NOTCH3: variants seen among roughly 807,000 people sequenced by gnomAD.
NOTCH3 encodes the protein notch receptor 3.
A neutral mutation model predicts 213.3 loss-of-function variants in NOTCH3; 86 were observed. The observed-to-expected ratio is 0.40, with a 90% confidence interval of 0.34 to 0.48. NOTCH3 has a LOEUF of 0.48. Ranked by LOEUF, NOTCH3 falls within the 20% of genes least tolerant of loss-of-function variation. The pLI is 0.57. For synonymous variants in NOTCH3, 1,354 were observed against 1,355.9 expected, an observed-to-expected ratio of 1.00 and a Z score of 0.03; for missense variants, 2,783 against 3,272.6, an observed-to-expected ratio of 0.85 and a Z score of 3.65.
rs368144892 is a variant in NOTCH3, at chr19:15,170,075, G to T, written c.5199+11C>A. On this transcript the variant is annotated intron_variant, in intron 28 of 32. Coordinates refer to ENST00000263388, the MANE Select transcript of NOTCH3 (RefSeq NM_000435.3). ...CAGAGGAGGGGGCAAAGGTCAGAGG[G>T]GGGGCAGTACCTTTAGCCGCTTGGC... 16 of 1,541,408 alleles carry T rather than the reference G, an allele frequency of 1.0e-5. No homozygotes were observed. In the East Asian group the frequency reaches 2.3e-4, roughly 22 times the overall value.
intron 31 of NOTCH3, among the ~76,000 whole-genome samples, chr19:15,162,944 C>T (rs1456228674): frequency 2.6e-5 from 4 of 152,134 alleles, no homozygotes; most frequent in African/African-American, 9.7e-5. Context: ...TGTTCTGTCA[C>T]CCAGGCTGGA....
chr19:15,187,789 C>A lies in NOTCH3; in HGVS notation c.1606+92G>T, dbSNP rs530847080. 3 of 1,050,324 alleles carry A rather than the reference C, an allele frequency of 2.9e-6. No homozygotes were observed. The East Asian group carries it at 7.7e-5, about 27-fold the overall frequency. The allele number at this position is 1,050,324 out of a possible 1,614,324, so 65.1% of individuals were successfully genotyped here. A position where few individuals can be genotyped will look rare whatever the true frequency, so the allele number is the denominator to read the frequency against. On this transcript the variant is annotated intron_variant, in intron 10 of 32. Coordinates refer to ENST00000263388, the MANE Select transcript of NOTCH3 (RefSeq NM_000435.3). ...ACTGGGTCCTGCCTTGCTACAACCC[C>A]GCCCCCAAGCTCTCCCCAAGTCTGT... is the stretch of plus-strand genomic sequence containing the variant.
chr19:15,184,843 T>C, intron 15 of NOTCH3, 63 bp downstream of exon 15: 1 of 958,736 alleles, frequency 1.0e-6, no homozygotes, highest in South Asian at 1.4e-5. Flanking sequence ...CCCAGCATCA[T>C]CCCTGATAGG....
rs2145430065 is a variant in NOTCH3 at position 15,185,525 on chromosome 19, C to T, written c.2106G>A (p.Glu702=). The change falls in exon 13 of 33, where the codon GAG becomes GAA. Residue 702 remains glutamate (E), a synonymous_variant. Transcript: ENST00000263388. This position sits in a 1 kb window ranked among gnomAD's most constrained non-coding sequence, Gnocchi z 4.2. ...CATAGCAGATGCCGTGACTGCAGGG[C>T]TCATGGGCACAGGGATGGCTCGGGG... ...CLPPSHPCAH[E]PCSHGICYDA... 2 of 1,613,124 alleles carry T rather than the reference C, an allele frequency of 1.2e-6. No homozygotes were observed. The highest frequency in any genetic ancestry group is 1.7e-6 in the Non-Finnish European group (2 of 1,179,792).
chr19:15,181,755 A>G lies in NOTCH3; in HGVS notation c.2613T>C (p.Phe871=). ...GGSCQDGVGS[F]SCSCLPGFAG... ...CGAAACCAGGGAGGCAGGAGCAGGA[A>G]AAGGAGCCCACGCCGTCTTGGCACG... Residue 871 remains phenylalanine (F), a synonymous_variant, in exon 17 of 33, where the codon TTT becomes TTC. Transcript: ENST00000263388. 5 of 1,572,876 alleles carry G rather than the reference A, an allele frequency of 3.2e-6. No homozygotes were observed. Among genetic ancestry groups the G allele is most frequent in the Middle Eastern group, 1.7e-4 (1 of 6,022 alleles).
Position 15,181,604 on chromosome 19 carries a change from C to G in NOTCH3, c.2764G>C (p.Glu922Gln), listed in dbSNP as rs1379963173. ...CPPGYGGFHC[E>Q]QDLPDCSPSS... ...GGGCTGCAGTCGGGCAGGTCCTGTT[C>G]GCAGTGGAAGCCTCCGTAGCCTGGC... Residue 922 changes from glutamate (E) to glutamine (Q), a missense_variant, in exon 17 of 33, where the codon GAA (glutamate) becomes CAA (glutamine). Glu to Gln is a conservative substitution (Grantham distance 29). This residue lies in a region of NOTCH3 where 861 missense variants were observed against 909.1 expected (regional missense o/e 0.95). Coordinates refer to ENST00000263388, the MANE Select transcript of NOTCH3 (RefSeq NM_000435.3). 6.4e-7 allele frequency: 1 copy of G among 1,550,594 alleles called. No individual in the cohort carries two copies. Among genetic ancestry groups the G allele is most frequent in the Non-Finnish European group, 8.7e-7 (1 of 1,146,780 alleles).
rs184033385 is a variant in NOTCH3 at position 15,181,595 on chromosome 19, G to A, written c.2773C>T (p.Leu925=). ...GCCCACCTGGGGCTGCAGTCGGGCA[G>A]GTCCTGTTCGCAGTGGAAGCCTCCG... ...GYGGFHCEQD[L]PDCSPSSCFN... is the part of the protein sequence containing the mutation. Residue 925 remains leucine (L), a synonymous_variant, in exon 17 of 33, where the codon CTG becomes TTG. Transcript: ENST00000263388. 1.3e-6 allele frequency: 2 copies of A among 1,550,490 alleles called. No individual in the cohort carries two copies. Among genetic ancestry groups the A allele is most frequent in the South Asian group, 1.2e-5 (1 of 84,034 alleles).
intron 25 of NOTCH3, among the ~76,000 whole-genome samples, chr19:15,173,732 A>AG (rs1178557146): frequency 1.7e-4 from 5 of 29,230 alleles, no homozygotes; most frequent in African/African-American, 3.2e-4. Context: ...CTCAAAAAAA[A>AG]AAAAAAAAAG....
Position 15,165,459 on chromosome 19 carries a change from C to T in NOTCH3, c.5724G>A (p.Thr1908=), listed in dbSNP as rs776091505. ...CCAGGCGGGCCGCCAGGATCAGTGCCGTTGAGCCATCTGCCATGCGGGCAT... is the reference window on the plus strand; with the variant it reads ...CCAGGCGGGCCGCCAGGATCAGTGCTGTTGAGCCATCTGCCATGCGGGCAT... ...DLDARMADGS[T]ALILAARLAV... is the part of the protein sequence containing the mutation. The change falls in exon 31 of 33, where the codon ACG becomes ACA. Residue 1908 remains threonine, a synonymous_variant. Transcript: ENST00000263388. This position sits in a 1 kb window ranked among gnomAD's most constrained non-coding sequence, Gnocchi z 4.7. 1.9e-5 allele frequency: 31 copies of T among 1,612,832 alleles called. No homozygotes were observed. Among genetic ancestry groups the T allele is most frequent in the Middle Eastern group, 1.6e-4 (1 of 6,084 alleles).
In NOTCH3 at chr19:15,174,157, C is replaced by T. The variant is rs561981488; in HGVS notation, c.4647G>A (p.Ala1549=). The stretch of plus-strand genomic sequence containing the variant: ...AAGGGAAGACCATGGCCTGGCCGTG[C>T]GCGTCCAGGCGGAAGCGCAGCGAGG... ...LRTSLRFRLD[A]HGQAMVFPYH... The change falls in exon 25 of 33, where the codon GCG becomes GCA. Residue 1549 remains alanine (A), a synonymous_variant. Transcript: ENST00000263388. The T allele has an allele frequency of 9.9e-6, 16 of 1,609,276 alleles. No homozygotes were observed. In the African/African-American group the frequency reaches 1.5e-4, roughly 15 times the overall value.
chr19:15,186,729 T>C, intron 12 of NOTCH3, 149 bp downstream of exon 12: 1 of 735,130 alleles, frequency 1.4e-6, no homozygotes, highest in Non-Finnish European at 2.4e-6. Context: ...GAAACAACCT[T>C]ATGCCAATGA....
In NOTCH3 at chr19:15,170,170, C is replaced by G. The variant is rs2046719480; in HGVS notation, c.5115G>C (p.Lys1705Asn). 1.2e-6 allele frequency: 2 copies of G among 1,601,432 alleles called. No individual in the cohort carries two copies. The highest frequency in any genetic ancestry group is 1.7e-6 in the Non-Finnish European group (2 of 1,173,144). ...TCAGGCTCTCACCCTTGGCCATGTT[C>G]CTGGCGGACAATGGGAAGAGGGGAT... ...EPVGQDALGM[K>N]NMAKGESLMG... Residue 1705 changes from lysine (K) to asparagine (N), a missense_variant and splice_region_variant, in exon 28 of 33, where the codon AAG (lysine) becomes AAC (asparagine). Physicochemically the swap from Lys to Asn is moderately conservative, Grantham distance 94. Coordinates refer to ENST00000263388, the MANE Select transcript of NOTCH3 (RefSeq NM_000435.3).
chr19:15,173,054 C>CTCTTCT (rs1219069116), intron 25 of NOTCH3, among the ~76,000 whole-genome samples: 70 of 5,526 alleles, frequency 0.013, 2 homozygotes, highest in Non-Finnish European at 0.016. Flanking sequence ...TCCCTCCTCC[C>CTCTTCT]TCTTCTTCTT....
In NOTCH3 at chr19:15,177,930, C is replaced by T. The variant is rs1474224207; in HGVS notation, c.3998G>A (p.Gly1333Glu). ...SCRSFPGSPP[G>E]ASNASCAAAP... ...GGCCGCGCAGCTGGCGTTGCTGGCC[C>T]CCGGCGGCGACCCCGGGAAGCTGCG... is the stretch of plus-strand genomic sequence containing the variant. Residue 1333 changes from glycine to glutamate, a missense_variant, in exon 24 of 33, where the codon GGG becomes GAG. Physicochemically the swap from Gly to Glu is moderately conservative, Grantham distance 98 (BLOSUM62 -2). Transcript: ENST00000263388. 7.0e-6 allele frequency: 9 copies of T among 1,291,070 alleles called. No homozygotes were observed. Among genetic ancestry groups the T allele is most frequent in the Non-Finnish European group, 8.8e-6 (9 of 1,022,708 alleles). The allele number at this position is 1,291,070 out of a possible 1,614,324, so 80.0% of individuals were successfully genotyped here.
intron 20 of NOTCH3, 41 bp downstream of exon 20, chr19:15,180,031 T>G (rs766128093): frequency 7.1e-7 from 1 of 1,416,460 alleles, no homozygotes; most frequent in East Asian, 2.3e-5. Flanking sequence ...CACCCAAGCA[T>G]GCCCACCTCC....
At chr19:15,182,604 T>C (rs932625849) in intron 16 of NOTCH3, among the ~76,000 whole-genome samples, 3 of 151,964 alleles carry the variant, frequency 2.0e-5, no homozygotes, top group African/African-American at 2.4e-5. Context: ...AAATAGATTA[T>C]ATACATTTAT....
chr19:15,161,012 C>T lies in NOTCH3; in HGVS notation c.6616G>A (p.Glu2206Lys), dbSNP rs778006941. The T allele has an allele frequency of 2.6e-6, 4 of 1,541,896 alleles. No homozygotes were observed. Among genetic ancestry groups the T allele is most frequent in the South Asian group, 1.2e-5 (1 of 83,774 alleles). Residue 2206 changes from glutamate to lysine, a missense_variant, in exon 33 of 33, where the codon GAG becomes AAG. This residue lies in a region of NOTCH3 where 441 missense variants were observed against 432.1 expected (regional missense o/e 1.02). Transcript: ENST00000263388. ...ACTGCCAGGTAAGGCGGGGGCCGCT[C>T]CTGCGGGGAGACGGGGGTCCCTGGG... ...LNPGTPVSPQ[E>K]RPPPYLAVPG...
Position 15,181,015 on chromosome 19 carries a change from G to C in NOTCH3, c.2940C>G (p.Ala980=). The C allele has an allele frequency of 1.3e-6, 2 of 1,598,514 alleles. No homozygotes were observed. The highest frequency in any genetic ancestry group is 1.1e-5 in the South Asian group (1 of 88,788). Residue 980 remains alanine (A), a synonymous_variant, in exon 18 of 33, where the codon GCC becomes GCG. Coordinates refer to ENST00000263388, the MANE Select transcript of NOTCH3 (RefSeq NM_000435.3). ...PCLHGGVCSA[A]HPGFRCTCLE... ...GGCAGGTGCAGCGGAAGCCAGGGTG[G>C]GCGGCGCTGCAGACGCCCCCGTGTA...
chr19:15,178,962 A>G (rs755553450), intron 22 of NOTCH3, 21 bp from the exon 23 acceptor site: 2 of 1,613,958 alleles, frequency 1.2e-6, no homozygotes. Flanking sequence ...GGGAGCATGT[A>G]GATCAGCCAC....
Sources: allele counts gnomAD v4.1 joint callset (sites outside exome capture counted in the v4.1 genomes callset), GRCh38; gene constraint gnomAD v4.1.1; regional missense constraint gnomAD v4.1.1; non-coding constraint Gnocchi (gnomAD v3.1); transcripts MANE v1.5; gene names NCBI Gene and HGNC (gene_info 2026-07-23, HGNC 2026-07-21).